EDIL3: variants seen among roughly 807,000 people sequenced by gnomAD.
EDIL3 encodes the protein EGF like and discoidin domains 3, also known as EGF-like repeat and discoidin I-like domain-containing protein 3.
A neutral mutation model predicts 67.4 loss-of-function variants in EDIL3; 37 were observed. That is an observed-to-expected ratio of 0.55 (90% CI 0.42 to 0.72). The LOEUF (loss-of-function observed/expected upper bound fraction) is 0.72. Ranked by LOEUF, EDIL3 falls within the 30% of genes least tolerant of loss-of-function variation. EDIL3 has a pLI of 0.00. For missense variants in EDIL3, 527 were observed against 586.3 expected, an observed-to-expected ratio of 0.90 and a Z score of 1.04; for synonymous variants, 195 against 196.3, an observed-to-expected ratio of 0.99 and a Z score of 0.05.
chr5:84,009,844 T>C (rs952052960), intron 9 of EDIL3, among the ~76,000 whole-genome samples: 1 of 152,114 alleles, frequency 6.6e-6, no homozygotes, highest in Admixed American at 6.5e-5. Context: ...GGTCATCATA[T>C]ACTACGCACA....
intron 6 of EDIL3, among the ~76,000 whole-genome samples, chr5:84,077,678 A>G (rs1171759646): frequency 6.6e-6 from 1 of 152,054 alleles, no homozygotes; most frequent in South Asian, 2.1e-4. Context: ...CCCTCCCCTG[A>G]CACATGGGGA....
intron 9 of EDIL3, among the ~76,000 whole-genome samples, chr5:84,039,261 C>T (rs141506976): frequency 6.6e-6 from 1 of 152,140 alleles, no homozygotes; most frequent in East Asian, 1.9e-4. Context: ...TTAACCCATT[C>T]CCCAAATAGA....
chr5:84,289,517 A>T, intron 1 of EDIL3, among the ~76,000 whole-genome samples: 1 of 152,044 alleles, frequency 6.6e-6, no homozygotes, highest in East Asian at 1.9e-4. Context: ...TTCCTCCCTT[A>T]TGACTCCTTC....
At chr5:84,042,899 T>C (rs1746158331) in intron 9 of EDIL3, among the ~76,000 whole-genome samples, 1 of 152,186 alleles carries the variant, frequency 6.6e-6, no homozygotes, top group Non-Finnish European at 1.5e-5. Flanking sequence ...TACATTAAAG[T>C]TTAATGTATG....
intron 5 of EDIL3, among the ~76,000 whole-genome samples, chr5:84,115,061 TG>T (rs1747641048): frequency 6.6e-6 from 1 of 152,348 alleles, no homozygotes; most frequent in African/African-American, 2.4e-5. Flanking sequence ...CATTGCTTTT[TG>T]GAATTACTTT....
At chr5:84,283,719 T>C (rs757188934) in intron 1 of EDIL3, among the ~76,000 whole-genome samples, 73 of 152,212 alleles carry the variant, frequency 4.8e-4, no homozygotes, top group Non-Finnish European at 3.7e-4. Flanking sequence ...GTTTTACATA[T>C]ATTCCTTGTG....
intron 4 of EDIL3, among the ~76,000 whole-genome samples, chr5:84,153,451 C>T (rs142077903): frequency 0.026 from 3,886 of 151,346 alleles, 82 homozygotes; most frequent in Middle Eastern, 0.048. Flanking sequence ...CTCCCCACCA[C>T]GCCCGGCTAA....
chr5:84,355,920 G>T (rs1407934257), intron 1 of EDIL3, among the ~76,000 whole-genome samples: 1 of 152,206 alleles, frequency 6.6e-6, no homozygotes, highest in Non-Finnish European at 1.5e-5. Flanking sequence ...GTCCCAGGGA[G>T]ATGGGAGTTT....
chr5:84,211,977 T>C (rs1744128881), intron 3 of EDIL3, among the ~76,000 whole-genome samples: 1 of 152,188 alleles, frequency 6.6e-6, no homozygotes, highest in African/African-American at 2.4e-5. Context: ...ATAGTTTCCA[T>C]ATTTTGTATA....
intron 6 of EDIL3, among the ~76,000 whole-genome samples, chr5:84,073,991 A>G (rs1746800131): frequency 6.6e-6 from 1 of 151,830 alleles, no homozygotes; most frequent in African/African-American, 2.4e-5. Context: ...TACTGGTACC[A>G]AAACAGAGAT....
intron 2 of EDIL3, among the ~76,000 whole-genome samples, chr5:84,237,319 C>A (rs1420401444): frequency 6.6e-6 from 1 of 152,002 alleles, no homozygotes; most frequent in Admixed American, 6.6e-5. Flanking sequence ...GTGACAGTAT[C>A]CACTTAAGAA....
At chr5:84,132,279 C>CATATATAGTATATATTTTATATATAAT (rs1300617395) in intron 5 of EDIL3, among the ~76,000 whole-genome samples, 15 of 98,286 alleles carry the variant, frequency 1.5e-4, no homozygotes, top group African/African-American at 6.4e-4. Context: ...ATCTTTTTTT[C>CATATATAGTATATATTTTATATATAAT]ATATATAGTA....
At chr5:84,041,698 CTA>C (rs10600425) in intron 9 of EDIL3, among the ~76,000 whole-genome samples, 53,690 of 146,910 alleles carry the variant, frequency 0.37, 10,698 homozygotes, top group African/African-American at 0.55. Context: ...ATATCTCTAC[CTA>C]TATATATATA....
chr5:84,288,371 T>C, intron 1 of EDIL3, among the ~76,000 whole-genome samples: 1 of 152,184 alleles, frequency 6.6e-6, no homozygotes, highest in East Asian at 1.9e-4. Context: ...ATTTTTGATG[T>C]TTTCACTATC....
At chr5:84,233,729 C>A (rs1561229730) in intron 2 of EDIL3, among the ~76,000 whole-genome samples, 1 of 151,928 alleles carries the variant, frequency 6.6e-6, no homozygotes, top group Non-Finnish European at 1.5e-5. Context: ...TGGGGAGAGG[C>A]TCTTGGAAAA....
At chr5:84,017,058 T>A (rs1455729981) in intron 9 of EDIL3, among the ~76,000 whole-genome samples, 1 of 152,208 alleles carries the variant, frequency 6.6e-6, no homozygotes, top group Non-Finnish European at 1.5e-5. Context: ...CAAGAATAAG[T>A]GAGGAAGATA....
At chr5:84,335,799 T>G (rs1746974350) in intron 1 of EDIL3, among the ~76,000 whole-genome samples, 1 of 152,134 alleles carries the variant, frequency 6.6e-6, no homozygotes, top group Non-Finnish European at 1.5e-5. Context: ...CGTCTAAGAC[T>G]GGGTAGTTTA....
intron 4 of EDIL3, among the ~76,000 whole-genome samples, chr5:84,157,529 T>C (rs1748515150): frequency 6.6e-6 from 1 of 152,086 alleles, no homozygotes; most frequent in African/African-American, 2.4e-5. Flanking sequence ...ATGTAATGTA[T>C]ACATAGTTTC....
intron 1 of EDIL3, among the ~76,000 whole-genome samples, chr5:84,356,578 T>G (rs1402524910): frequency 6.6e-6 from 1 of 152,216 alleles, no homozygotes; most frequent in Non-Finnish European, 1.5e-5. Flanking sequence ...AGCATCCTTG[T>G]AATTACATTG....
Sources: allele counts gnomAD v4.1 joint callset (sites outside exome capture counted in the v4.1 genomes callset), GRCh38; gene constraint gnomAD v4.1.1; transcripts MANE v1.5; gene names NCBI Gene and HGNC (gene_info 2026-07-23, HGNC 2026-07-21).